The following INPP5A variants were observed in gnomAD, a reference collection of about 807,000 sequenced individuals.
INPP5A encodes the protein 43 kDa inositol polyphosphate 5-phophatase.
In INPP5A, 14 loss-of-function variants were observed where a neutral mutation model predicts 65.2. The observed-to-expected ratio is 0.21, with a 90% CI of 0.14 to 0.34. The LOEUF is 0.34. Ranked by LOEUF, INPP5A falls within the 10% of genes least tolerant of loss-of-function variation. The pLI is 1.00. For synonymous variants in INPP5A, 207 were observed against 208.3 expected (o/e 0.99, Z 0.05); for missense variants, 431 against 545.6 (o/e 0.79, Z 2.09).
At chr10:132,691,117 C>T (rs1845252861) in intron 5 of INPP5A, among the ~76,000 whole-genome samples, 2 of 152,358 alleles carry the variant, frequency 1.3e-5, no homozygotes, top group Middle Eastern at 3.4e-3. Flanking sequence ...GAGCCACAAA[C>T]GATGTCGTTT....
chr10:132,569,186 A>G (rs2133281299), intron 1 of INPP5A, among the ~76,000 whole-genome samples: 1 of 152,268 alleles, frequency 6.6e-6, no homozygotes, highest in South Asian at 2.1e-4. Flanking sequence ...TTCTCACCAT[A>G]CAGCAGAGAG....
chr10:132,600,234 A>G (rs189524496), intron 1 of INPP5A, among the ~76,000 whole-genome samples: 233 of 152,332 alleles, frequency 1.5e-3, no homozygotes, highest in African/African-American at 5.3e-3. Flanking sequence ...CTTTAACAGT[A>G]CTGAAGTCAC....
chr10:132,714,245 G>A (rs539656433), intron 8 of INPP5A, among the ~76,000 whole-genome samples: 1 of 152,254 alleles, frequency 6.6e-6, no homozygotes, highest in African/African-American at 2.4e-5. Context: ...CCTGCGGCGC[G>A]CTCAGCCAGC....
chr10:132,588,438 T>C (rs751106058), intron 1 of INPP5A, among the ~76,000 whole-genome samples: 1 of 152,270 alleles, frequency 6.6e-6, no homozygotes. Flanking sequence ...GAAGGCCCAG[T>C]CGTTACTTCC....
At chr10:132,636,325 C>T (rs2072352495) in intron 2 of INPP5A, among the ~76,000 whole-genome samples, 1 of 152,146 alleles carries the variant, frequency 6.6e-6, no homozygotes, top group Non-Finnish European at 1.5e-5. Flanking sequence ...ACATGTTCTC[C>T]CTTCTAAATG....
At chr10:132,568,400 A>T (rs1360098719) in intron 1 of INPP5A, among the ~76,000 whole-genome samples, 1 of 151,996 alleles carries the variant, frequency 6.6e-6, no homozygotes, top group East Asian at 1.9e-4. Context: ...GCTGCCTTCA[A>T]TTAAAGCCTC....
At chr10:132,655,166 G>A (rs2072637820) in intron 4 of INPP5A, among the ~76,000 whole-genome samples, 1 of 152,230 alleles carries the variant, frequency 6.6e-6, no homozygotes, top group Non-Finnish European at 1.5e-5. Context: ...AGCCAGGCTG[G>A]AAGACACCTG....
intron 2 of INPP5A, among the ~76,000 whole-genome samples, chr10:132,618,150 A>G (rs1269859129): frequency 6.6e-6 from 1 of 152,254 alleles, no homozygotes; most frequent in Non-Finnish European, 1.5e-5. Flanking sequence ...TTAAATACCT[A>G]TTTTAAAAAT....
Position 132,705,737 on chromosome 10 carries a change from G to A in INPP5A, c.475-2576G>A, listed in dbSNP as rs1306315150. Among the ~76,000 whole-genome samples, 1 of 152,242 alleles carries A rather than the reference G, an allele frequency of 6.6e-6. No homozygotes were observed. The highest frequency in any genetic ancestry group is 1.5e-5 in the Non-Finnish European group (1 of 68,050). On this transcript the variant is annotated intron_variant, in intron 6 of 15. Transcript: ENST00000368594. This position sits in a 1 kb window ranked among gnomAD's most constrained non-coding sequence, Gnocchi z 4.9. ...GGAAGGAGGAAGCTTGGAGCCACCT[G>A]TGGACCCTGAGGGTGCGTCTGTGGG...
At chr10:132,608,061 C>T in intron 2 of INPP5A, 105 bp downstream of exon 2, 1 of 1,006,820 alleles carries the variant, frequency 9.9e-7, no homozygotes. Flanking sequence ...ATGGGGAGCG[C>T]AGGCCTGGGC....
At chr10:132,624,655 G>A (rs1021749995) in intron 2 of INPP5A, among the ~76,000 whole-genome samples, 9 of 152,298 alleles carry the variant, frequency 5.9e-5, no homozygotes, top group Admixed American at 3.3e-4. Flanking sequence ...GTCTCTGCCC[G>A]TTCAGCACCT....
chr10:132,708,437 T>C (rs761223816), intron 7 of INPP5A, 72 bp downstream of exon 7: 1 of 1,421,506 alleles, frequency 7.0e-7, no homozygotes, highest in South Asian at 1.1e-5. Flanking sequence ...CAGCGGCATG[T>C]TCCACACACC....
At chr10:132,723,467 A>G (rs528161120) in intron 8 of INPP5A, among the ~76,000 whole-genome samples, 4,599 of 120,636 alleles carry the variant, frequency 0.038, 119 homozygotes, top group Non-Finnish European at 0.055. Flanking sequence ...GGGATTGGCC[A>G]TGTGGGGATT....
chr10:132,736,722 G>A (rs1398597626), intron 9 of INPP5A, among the ~76,000 whole-genome samples: 1 of 152,240 alleles, frequency 6.6e-6, no homozygotes, highest in Non-Finnish European at 1.5e-5. Flanking sequence ...AGACATTCCT[G>A]GCGCCCAGGC....
At position 132,551,924 on chromosome 10, in the gene INPP5A, T is replaced by C. The variant is rs1411058990; in HGVS notation, c.75+13753T>C. Among the ~76,000 whole-genome samples, 1 of 152,228 alleles carries C rather than the reference T, an allele frequency of 6.6e-6. No homozygotes were observed. The highest frequency in any genetic ancestry group is 1.9e-4 in the East Asian group (1 of 5,194). On this transcript the variant is annotated intron_variant, in intron 1 of 15. Transcript: ENST00000368594. This position sits in a 1 kb window ranked among gnomAD's most constrained non-coding sequence, Gnocchi z 5.3. The stretch of plus-strand genomic sequence containing the variant: ...CCTGCCTTGCGGCCCAACCTGGCAG[T>C]ACCCCCCACACAGGGGTCCAGGTGT...
chr10:132,746,888 G>A (rs1456814118), intron 9 of INPP5A, among the ~76,000 whole-genome samples: 1 of 152,242 alleles, frequency 6.6e-6, no homozygotes, highest in Non-Finnish European at 1.5e-5. Flanking sequence ...AAAGGGAACA[G>A]GCCAGCTTTG....
intron 1 of INPP5A, among the ~76,000 whole-genome samples, chr10:132,572,415 C>T (rs949218717): frequency 2.0e-5 from 3 of 152,082 alleles, no homozygotes; most frequent in African/African-American, 4.8e-5. Flanking sequence ...TGGGAGGAGT[C>T]GTGGTTTCTG....
chr10:132,555,234 G>C lies in INPP5A; in HGVS notation c.75+17063G>C, dbSNP rs1264357094. Among the ~76,000 whole-genome samples, 2 of 152,100 alleles carry C rather than the reference G, an allele frequency of 1.3e-5. No individual in the cohort carries two copies. The highest frequency in any genetic ancestry group is 2.9e-5 in the Non-Finnish European group (2 of 67,952). ...GCAGGCTGGGTGGTGATATGTGATG[G>C]TGCTCAGGCCCCTGTTCCTTCACCG... On this transcript the variant is annotated intron_variant, in intron 1 of 15. Coordinates refer to ENST00000368594, the MANE Select transcript of INPP5A (RefSeq NM_005539.5). The surrounding 1 kb of genome is among the most constrained non-coding windows in gnomAD (Gnocchi z 4.4).
rs1023214218 is a variant in INPP5A at position 132,650,619 on chromosome 10, C to G, written c.306+114C>G. Reference sequence around the variant, plus strand: ...GGGGTGCTCCCTGCCTGAAGCCTCACTCACGCTGCCCTGCCTGGCACTCCC... The same window carrying G: ...GGGGTGCTCCCTGCCTGAAGCCTCAGTCACGCTGCCCTGCCTGGCACTCCC... On this transcript the variant is annotated intron_variant, in intron 4 of 15. Coordinates refer to ENST00000368594, the MANE Select transcript of INPP5A (RefSeq NM_005539.5). The surrounding 1 kb of genome is among the most constrained non-coding windows in gnomAD (Gnocchi z 5.5). 2.7e-6 allele frequency: 2 copies of G among 742,488 alleles called. No homozygotes were observed. The highest frequency in any genetic ancestry group is 4.7e-6 in the Non-Finnish European group (2 of 425,268). The allele number at this position is 742,488 out of a possible 1,614,324, so 46.0% of individuals were successfully genotyped here.
Sources: gnomAD v4.1 joint callset for allele counts (sites outside exome capture counted in the v4.1 genomes callset) on GRCh38, gnomAD v4.1.1 for gene constraint, Gnocchi (gnomAD v3.1) non-coding constraint, MANE v1.5 for transcripts, NCBI Gene and HGNC (gene_info 2026-07-23, HGNC 2026-07-21) for gene names.